Variants in TSHZ2 observed in about 807,000 individuals in gnomAD.
The protein encoded by TSHZ2 is teashirt zinc finger homeobox 2.
TSHZ2 carries 21 observed loss-of-function variants against 74.4 expected under a neutral mutation model. The observed-to-expected ratio is 0.28, with a 90% CI of 0.20 to 0.41. The LOEUF (loss-of-function observed/expected upper bound fraction) is 0.41, where lower values mean the gene tolerates loss of function less well. Among genes scored for constraint, TSHZ2 ranks in the 10% least tolerant of loss-of-function variants. TSHZ2 has a pLI of 1.00. For missense variants in TSHZ2, 1,244 were observed against 1,293.5 expected (o/e 0.96, Z 0.59); for synonymous variants, 540 against 515.3 (o/e 1.05, Z -0.65).
At chr20:52,979,225 G>A (rs1981470946) in intron 1 of TSHZ2, among the ~76,000 whole-genome samples, 1 of 151,122 alleles carries the variant, frequency 6.6e-6, no homozygotes, top group African/African-American at 2.4e-5. Context: ...CACTTGTTTT[G>A]GGAACTTTTT....
chr20:52,997,024 G>A (rs537039957), intron 1 of TSHZ2, among the ~76,000 whole-genome samples: 12 of 152,190 alleles, frequency 7.9e-5, no homozygotes, highest in Non-Finnish European at 1.6e-4. Context: ...GGGGTGGCAT[G>A]CAACCTTTGT....
At chr20:53,402,979 G>A (rs1438886133) in intron 2 of TSHZ2, among the ~76,000 whole-genome samples, 2 of 152,182 alleles carry the variant, frequency 1.3e-5, no homozygotes, top group Admixed American at 6.5e-5. Flanking sequence ...GGGTACATGT[G>A]TAGGATTGTT....
chr20:53,351,354 CA>C (rs1414682726), intron 2 of TSHZ2, among the ~76,000 whole-genome samples: 1 of 151,744 alleles, frequency 6.6e-6, no homozygotes, highest in Non-Finnish European at 1.5e-5. Context: ...TGGCAAACTT[CA>C]AAAAATGTTT....
At chr20:53,300,693 C>T (rs1991462347) in intron 2 of TSHZ2, among the ~76,000 whole-genome samples, 1 of 152,100 alleles carries the variant, frequency 6.6e-6, no homozygotes, top group Non-Finnish European at 1.5e-5. Context: ...CAGATCAGCC[C>T]AACACATCAG....
At chr20:53,439,349 T>A (rs1041869384) in intron 2 of TSHZ2, among the ~76,000 whole-genome samples, 3 of 151,362 alleles carry the variant, frequency 2.0e-5, no homozygotes, top group East Asian at 1.9e-4. Flanking sequence ...AGCTCACTAT[T>A]AAAAAAAAAA....
At position 53,255,450 on chromosome 20, in the gene TSHZ2, G is replaced by A. The variant is rs201401062; in HGVS notation, c.1992G>A (p.Lys664=). 3.0e-5 allele frequency: 48 copies of A among 1,611,234 alleles called. No homozygotes were observed. Among genetic ancestry groups the A allele is most frequent in the Non-Finnish European group, 3.8e-5 (45 of 1,179,924 alleles). ...EEKLMKEGSE[K]EKPQPLEPTS... Reference sequence around the variant, plus strand: ...AGCTGATGAAAGAGGGCAGCGAGAAGGAGAAACCCCAGCCCCTGGAGCCCA... The same window carrying A: ...AGCTGATGAAAGAGGGCAGCGAGAAAGAGAAACCCCAGCCCCTGGAGCCCA... The change falls in exon 2 of 3, where the codon AAG becomes AAA. Residue 664 remains lysine, a synonymous_variant. Transcript: ENST00000371497. The surrounding 1 kb of genome is among the most constrained non-coding windows in gnomAD (Gnocchi z 4.1).
At chr20:53,108,424 C>T (rs749453651) in intron 1 of TSHZ2, among the ~76,000 whole-genome samples, 86 of 152,290 alleles carry the variant, frequency 5.6e-4, no homozygotes, top group Admixed American at 1.2e-3. Flanking sequence ...AAACAAGCCG[C>T]CCTGAGGAGG....
chr20:53,193,736 A>G (rs1041509421), intron 1 of TSHZ2, among the ~76,000 whole-genome samples: 3 of 152,216 alleles, frequency 2.0e-5, no homozygotes, highest in African/African-American at 4.8e-5. Flanking sequence ...TAGAAGCAGC[A>G]CATCAGAGAT....
intron 2 of TSHZ2, among the ~76,000 whole-genome samples, chr20:53,437,366 T>C (rs1426558058): frequency 6.6e-6 from 1 of 151,992 alleles, no homozygotes; most frequent in Non-Finnish European, 1.5e-5. Flanking sequence ...CCAGCTACTC[T>C]GGAGGCTGAG....
intron 1 of TSHZ2, among the ~76,000 whole-genome samples, chr20:53,150,976 A>G (rs568317878): frequency 1.1e-4 from 17 of 152,320 alleles, no homozygotes; most frequent in African/African-American, 3.6e-4. Flanking sequence ...TAGGTAATCT[A>G]GTTAATTGAC....
At chr20:53,285,178 G>C (rs1420599392) in intron 2 of TSHZ2, among the ~76,000 whole-genome samples, 2 of 152,058 alleles carry the variant, frequency 1.3e-5, no homozygotes, top group Non-Finnish European at 2.9e-5. Context: ...TGAGAAACAC[G>C]GTATTAAAAA....
chr20:53,472,590 G>A (rs906127345), intron 2 of TSHZ2, among the ~76,000 whole-genome samples: 3 of 152,154 alleles, frequency 2.0e-5, no homozygotes, highest in East Asian at 1.9e-4. Context: ...GCACGCAGAC[G>A]ATATTTCAAG....
At position 53,074,303 on chromosome 20, in the gene TSHZ2, A is replaced by C. The variant is rs1387579782; in HGVS notation, c.40+100970A>C. Among the ~76,000 whole-genome samples, 1 of 152,162 alleles carries C rather than the reference A, an allele frequency of 6.6e-6. No individual in the cohort carries two copies. Among genetic ancestry groups the C allele is most frequent in the Non-Finnish European group, 1.5e-5 (1 of 68,030 alleles). On this transcript the variant is annotated intron_variant, in intron 1 of 2. Transcript: ENST00000371497. The surrounding 1 kb of genome is among the most constrained non-coding windows in gnomAD (Gnocchi z 5.9). The stretch of plus-strand genomic sequence containing the variant: ...GAAATAGAAGTTACCACATTGCTGA[A>C]ATTATGTCCTAAGTATCAGTCCTTT...
At chr20:53,272,752 G>A (rs1990866083) in intron 2 of TSHZ2, among the ~76,000 whole-genome samples, 1 of 152,164 alleles carries the variant, frequency 6.6e-6, no homozygotes, top group Admixed American at 6.5e-5. Flanking sequence ...TTTGCATCCG[G>A]GGTAAGAAAT....
intron 2 of TSHZ2, among the ~76,000 whole-genome samples, chr20:53,418,789 C>T (rs1983364116): frequency 6.6e-6 from 1 of 152,128 alleles, no homozygotes; most frequent in Non-Finnish European, 1.5e-5. Flanking sequence ...CAACCTGAAC[C>T]TGAAGTACTC....
chr20:53,458,942 T>C (rs1487715022), intron 2 of TSHZ2, among the ~76,000 whole-genome samples: 3 of 152,228 alleles, frequency 2.0e-5, no homozygotes, highest in African/African-American at 7.2e-5. Context: ...TTGTTACAAT[T>C]TCTGTTCTTT....
At chr20:52,979,555 G>T (rs910848168) in intron 1 of TSHZ2, among the ~76,000 whole-genome samples, 2 of 152,114 alleles carry the variant, frequency 1.3e-5, no homozygotes, top group African/African-American at 4.8e-5. Context: ...TCTGAGATGC[G>T]AGTGGGAATT....
chr20:53,079,538 A>C (rs572367633), intron 1 of TSHZ2, among the ~76,000 whole-genome samples: 4 of 152,220 alleles, frequency 2.6e-5, no homozygotes, highest in Admixed American at 6.5e-5. Context: ...AAAGGAAAAA[A>C]TCAGGAATGC....
chr20:53,253,151 A>G (rs561812793), intron 1 of TSHZ2, among the ~76,000 whole-genome samples: 2 of 152,146 alleles, frequency 1.3e-5, no homozygotes, highest in Non-Finnish European at 2.9e-5. Flanking sequence ...CTTTAATGGG[A>G]TATGAATTTC....
Sources: allele counts gnomAD v4.1 joint callset (sites outside exome capture counted in the v4.1 genomes callset), GRCh38; gene constraint gnomAD v4.1.1; non-coding constraint Gnocchi (gnomAD v3.1); transcripts MANE v1.5; gene names NCBI Gene and HGNC (gene_info 2026-07-23, HGNC 2026-07-21).